Variants in YEATS4 observed in about 807,000 individuals in gnomAD.
YEATS4 encodes YEATS domain containing 4.
In YEATS4, 17 loss-of-function variants were observed where a neutral mutation model predicts 30.1. The ratio of observed to expected loss-of-function variants is 0.56; its 90% CI spans 0.39 to 0.85. YEATS4 has a LOEUF of 0.85. Ranked by LOEUF, YEATS4 falls within the 40% of genes least tolerant of loss-of-function variation. The pLI is 0.00. For synonymous variants in YEATS4, 85 were observed against 87.5 expected (o/e 0.97, Z 0.16); for missense variants, 142 against 268.3 (o/e 0.53, Z 3.29).
At chr12:69,380,436 T>G (rs1876030795) in intron 6 of YEATS4, among the ~76,000 whole-genome samples, 1 of 152,250 alleles carries the variant, frequency 6.6e-6, no homozygotes, top group Admixed American at 6.5e-5. Context: ...TTCTCGTCCC[T>G]TACTTTCTCC....
chr12:69,426,311 A>G, the YEATS4 span, among the ~76,000 whole-genome samples: 5 of 152,182 alleles, frequency 3.3e-5, no homozygotes, highest in Non-Finnish European at 7.3e-5. Context: ...TAAGACAAAG[A>G]GTTATAGCTA....
At chr12:69,401,357 T>C in the YEATS4 span, among the ~76,000 whole-genome samples, 2 of 152,220 alleles carry the variant, frequency 1.3e-5, no homozygotes, top group African/African-American at 4.8e-5. Context: ...ATGTAAATTC[T>C]CAGAAAAATA....
chr12:69,376,749 T>C (rs1361710310), intron 6 of YEATS4, among the ~76,000 whole-genome samples: 1 of 152,202 alleles, frequency 6.6e-6, no homozygotes, highest in African/African-American at 2.4e-5. Flanking sequence ...ATTTTCTCAA[T>C]TTTTTGGAAT....
At chr12:69,409,634 A>G in the YEATS4 span, among the ~76,000 whole-genome samples, 2 of 151,864 alleles carry the variant, frequency 1.3e-5, no homozygotes, top group Non-Finnish European at 2.9e-5. Flanking sequence ...AAAAAGATAT[A>G]TATATATATT....
intron 6 of YEATS4, among the ~76,000 whole-genome samples, chr12:69,375,587 C>T (rs868755524): frequency 3.9e-5 from 6 of 152,288 alleles, no homozygotes; most frequent in East Asian, 1.9e-4. Context: ...GCAGAGATCA[C>T]GCCACTGCAC....
At chr12:69,395,488 A>T (rs1468277306), downstream of YEATS4, among the ~76,000 whole-genome samples, 1 of 152,138 alleles carries the variant, frequency 6.6e-6, no homozygotes, top group African/African-American at 2.4e-5. Flanking sequence ...AATTTTTATA[A>T]GTAATATGTT....
At chr12:69,360,395 T>G (rs1875147349) in intron 1 of YEATS4, among the ~76,000 whole-genome samples, 1 of 152,130 alleles carries the variant, frequency 6.6e-6, no homozygotes, top group Non-Finnish European at 1.5e-5. Context: ...GGTGTGAGGA[T>G]AACAATAACT....
At chr12:69,367,794 G>A (rs1346984664) in intron 4 of YEATS4, among the ~76,000 whole-genome samples, 1 of 152,218 alleles carries the variant, frequency 6.6e-6, no homozygotes, top group Non-Finnish European at 1.5e-5. Context: ...GAATTTAGCA[G>A]ATGTTGAGAG....
At chr12:69,422,630 C>CAAAAAAAAAAAAAAAAAAAAAAAAA in the YEATS4 span, 1 of 40,484 alleles carries the variant, frequency 2.5e-5, no homozygotes, top group African/African-American at 1.0e-4. Context: ...GACCCTGTCT[C>CAAAAAAAAAAAAAAAAAAAAAAAAA]AAAAAAAAAA....
the YEATS4 span, among the ~76,000 whole-genome samples, chr12:69,423,975 G>T: frequency 2.6e-5 from 4 of 152,224 alleles, no homozygotes; most frequent in Non-Finnish European, 5.9e-5. Flanking sequence ...GCATTTTATT[G>T]TCCCCTTGCT....
chr12:69,386,039 G>A (rs1168886883), intron 6 of YEATS4, among the ~76,000 whole-genome samples: 1 of 152,096 alleles, frequency 6.6e-6, no homozygotes, highest in Non-Finnish European at 1.5e-5. Flanking sequence ...GTAATTCTTT[G>A]GATTTGTTTT....
the YEATS4 span, among the ~76,000 whole-genome samples, chr12:69,399,970 G>A: frequency 3.2e-4 from 48 of 152,298 alleles, no homozygotes; most frequent in African/African-American, 1.1e-3. Flanking sequence ...CAGGAGATGG[G>A]TGGGGAAGGG....
rs544280092 is a variant in YEATS4 at position 69,365,123 on chromosome 12, A to G, written c.172-510A>G. Among the ~76,000 whole-genome samples the G allele has an allele frequency of 2.0e-5, 3 of 152,282 alleles. No individual in the cohort carries two copies. The East Asian group carries it at 5.8e-4, about 29-fold the overall frequency. On this transcript the variant is annotated intron_variant, in intron 2 of 6. Coordinates refer to ENST00000247843, the MANE Select transcript of YEATS4 (RefSeq NM_006530.4). ...TCTATACATTACAAATCATAAAAGA[A>G]TTCAACACAGGCTTCCTTTTTGTTT... is the stretch of plus-strand genomic sequence containing the variant.
chr12:69,423,641 T>C, the YEATS4 span, among the ~76,000 whole-genome samples: 1 of 152,250 alleles, frequency 6.6e-6, no homozygotes, highest in Non-Finnish European at 1.5e-5. Flanking sequence ...GAAGCATAAA[T>C]AGTCATGGAA....
At chr12:69,364,203 A>G (rs756209912) in intron 2 of YEATS4, 5 of 449,184 alleles carry the variant, frequency 1.1e-5, no homozygotes, top group South Asian at 7.8e-5. Context: ...CTGTAATCTC[A>G]GCACTATGGG....
the YEATS4 span, among the ~76,000 whole-genome samples, chr12:69,411,423 C>T: frequency 6.6e-6 from 1 of 152,194 alleles, no homozygotes; most frequent in Non-Finnish European, 1.5e-5. Context: ...AGCCACCATG[C>T]CAGGCCCAGG....
the YEATS4 span, among the ~76,000 whole-genome samples, chr12:69,406,239 A>G: frequency 6.6e-6 from 1 of 152,194 alleles, no homozygotes; most frequent in Non-Finnish European, 1.5e-5. Context: ...GCTTTCAACA[A>G]CTGTGCGTTA....
chr12:69,389,805 G>A (rs1031636829), intron 6 of YEATS4, among the ~76,000 whole-genome samples: 2 of 152,018 alleles, frequency 1.3e-5, no homozygotes, highest in East Asian at 1.9e-4. Flanking sequence ...AAGCCACTGC[G>A]CCCAGTCACC....
chr12:69,397,838 C>G, the YEATS4 span, among the ~76,000 whole-genome samples: 1 of 152,000 alleles, frequency 6.6e-6, no homozygotes, highest in African/African-American at 2.4e-5. Context: ...CTAATCCTGC[C>G]CACAACTTGA....
Sources: gnomAD v4.1 joint callset for allele counts (sites outside exome capture counted in the v4.1 genomes callset) on GRCh38, gnomAD v4.1.1 for gene constraint, MANE v1.5 for transcripts, NCBI Gene and HGNC (gene_info 2026-07-23, HGNC 2026-07-21) for gene names.